SGCD: variants seen among roughly 807,000 people sequenced by gnomAD.
SGCD encodes the protein delta-sarcoglycan.
In SGCD, 18 loss-of-function variants were observed where a neutral mutation model predicts 36.6. That is an observed-to-expected ratio of 0.49 (90% confidence interval 0.34 to 0.73). SGCD has a LOEUF of 0.73. SGCD is among the 30% of genes least tolerant of loss of function. The probability of loss-of-function intolerance (pLI) is 0.01; values close to 1 mark genes in which losing one functional copy is unlikely to be tolerated. For missense variants in SGCD, 387 were observed against 346.7 expected, an observed-to-expected ratio of 1.12 and a Z score of -0.92; for synonymous variants, 133 against 130.6, an observed-to-expected ratio of 1.02 and a Z score of -0.12.
At chr5:156,516,459 C>T (rs1757173583) in intron 4 of SGCD, among the ~76,000 whole-genome samples, 1 of 152,104 alleles carries the variant, frequency 6.6e-6, no homozygotes, top group South Asian at 2.1e-4. Flanking sequence ...TAAAAGTGAA[C>T]AGAAAGCAAC....
intron 1 of SGCD, among the ~76,000 whole-genome samples, chr5:156,096,319 A>G (rs140927894): frequency 2.6e-5 from 4 of 152,330 alleles, no homozygotes; most frequent in African/African-American, 9.6e-5. Context: ...TACAATGACA[A>G]ATAACAGGGA....
chr5:156,610,624 T>C (rs1341487436), intron 6 of SGCD, among the ~76,000 whole-genome samples: 1 of 152,390 alleles, frequency 6.6e-6, no homozygotes, highest in East Asian at 1.9e-4. Context: ...TATTTGGCTA[T>C]GCCCTGCCCC....
intron 7 of SGCD, among the ~76,000 whole-genome samples, chr5:156,708,111 G>C (rs772506471): frequency 4.6e-5 from 7 of 152,094 alleles, no homozygotes; most frequent in Non-Finnish European, 4.4e-5. Flanking sequence ...TTGAGGATAA[G>C]AACGGACTTT....
At chr5:156,072,897 A>G (rs1392813975) in intron 1 of SGCD, among the ~76,000 whole-genome samples, 1 of 152,010 alleles carries the variant, frequency 6.6e-6, no homozygotes, top group Non-Finnish European at 1.5e-5. Flanking sequence ...TCCATCACTG[A>G]CACCCTTTGT....
At chr5:156,636,991 G>A (rs1210076543) in intron 6 of SGCD, among the ~76,000 whole-genome samples, 2 of 152,050 alleles carry the variant, frequency 1.3e-5, no homozygotes, top group African/African-American at 2.4e-5. Flanking sequence ...AGGTGATATG[G>A]TTTGGCTGTG....
intron 1 of SGCD, among the ~76,000 whole-genome samples, chr5:155,972,721 A>G (rs1758030943): frequency 6.6e-6 from 1 of 152,182 alleles, no homozygotes; most frequent in African/African-American, 2.4e-5. Context: ...CCTACACTCC[A>G]CGCTAGCACC....
At chr5:155,742,336 A>G in the SGCD span, among the ~76,000 whole-genome samples, 1 of 152,184 alleles carries the variant, frequency 6.6e-6, no homozygotes, top group Non-Finnish European at 1.5e-5. Flanking sequence ...ATTACCAATA[A>G]TCATTTTTGA....
chr5:156,429,710 C>G (rs1201526331), intron 3 of SGCD, among the ~76,000 whole-genome samples: 1 of 151,862 alleles, frequency 6.6e-6, no homozygotes, highest in Admixed American at 6.6e-5. Context: ...TAGTGCTGAT[C>G]TGGTAGTGGC....
the SGCD span, among the ~76,000 whole-genome samples, chr5:155,820,063 T>A: frequency 1.3e-5 from 2 of 152,128 alleles, no homozygotes; most frequent in Non-Finnish European, 2.9e-5. Flanking sequence ...AAGACCAGAA[T>A]GTCCAAGCAG....
chr5:155,991,649 C>T (rs577002106), intron 1 of SGCD, among the ~76,000 whole-genome samples: 17 of 152,134 alleles, frequency 1.1e-4, no homozygotes, highest in South Asian at 4.1e-4. Context: ...AGGTGATGCT[C>T]GATGTGTGTT....
At chr5:156,580,896 C>T (rs2113335304) in intron 4 of SGCD, among the ~76,000 whole-genome samples, 1 of 152,318 alleles carries the variant, frequency 6.6e-6, no homozygotes, top group Non-Finnish European at 1.5e-5. Context: ...CTGAAGCCTA[C>T]TTCTGTCAGC....
At chr5:155,765,919 G>C in the SGCD span, among the ~76,000 whole-genome samples, 23 of 152,186 alleles carry the variant, frequency 1.5e-4, no homozygotes, top group East Asian at 4.1e-3. Context: ...GGAGACAGCT[G>C]TGCCTGGGCG....
At chr5:156,327,590 G>A (rs1374608735) in intron 1 of SGCD, among the ~76,000 whole-genome samples, 1 of 152,206 alleles carries the variant, frequency 6.6e-6, no homozygotes, top group East Asian at 1.9e-4. Flanking sequence ...GATAATTTCA[G>A]ATGAAACTGT....
At chr5:155,906,973 G>A (rs1756529372) in intron 1 of SGCD, among the ~76,000 whole-genome samples, 1 of 152,090 alleles carries the variant, frequency 6.6e-6, no homozygotes, top group Admixed American at 6.6e-5. Context: ...AGAAATAAAT[G>A]CCTGGTTTTA....
At chr5:156,530,601 A>G (rs1253808280) in intron 4 of SGCD, among the ~76,000 whole-genome samples, 1 of 138,610 alleles carries the variant, frequency 7.2e-6, no homozygotes, top group Non-Finnish European at 1.5e-5. Context: ...TTTTCCTCAG[A>G]TGGAGTGTTG....
At chr5:156,218,883 T>C (rs1015187260) in intron 3 of SGCD, among the ~76,000 whole-genome samples, 6 of 152,210 alleles carry the variant, frequency 3.9e-5, no homozygotes, top group Non-Finnish European at 8.8e-5. Flanking sequence ...CATAATGCTG[T>C]CTTCTTTCCA....
chr5:155,818,031 T>C, the SGCD span, among the ~76,000 whole-genome samples: 1 of 152,218 alleles, frequency 6.6e-6, no homozygotes, highest in South Asian at 2.1e-4. Context: ...TTTTTCCTTA[T>C]TCAGTTTAGT....
At chr5:155,912,251 G>T (rs1756644436) in intron 1 of SGCD, among the ~76,000 whole-genome samples, 2 of 151,992 alleles carry the variant, frequency 1.3e-5, no homozygotes, top group Admixed American at 1.3e-4. Flanking sequence ...AGTTGTAGAG[G>T]AATAAAAAGA....
intron 3 of SGCD, among the ~76,000 whole-genome samples, chr5:156,392,426 T>C (rs1285126999): frequency 6.6e-6 from 1 of 152,200 alleles, no homozygotes; most frequent in African/African-American, 2.4e-5. Context: ...GTGTGCACTA[T>C]TCAAACTTCT....
Sources: allele counts gnomAD v4.1 joint callset (sites outside exome capture counted in the v4.1 genomes callset), GRCh38; gene constraint gnomAD v4.1.1; transcripts MANE v1.5; gene names NCBI Gene and HGNC (gene_info 2026-07-23, HGNC 2026-07-21).